The following SRBD1 variants were observed in gnomAD, a reference collection of about 807,000 sequenced individuals.
SRBD1 encodes S1 RNA-binding domain-containing protein 1.
Under a neutral mutation model 115.3 loss-of-function variants are expected in SRBD1, and 88 were observed. The ratio of observed to expected loss-of-function variants is 0.76; its 90% CI spans 0.64 to 0.91. The LOEUF (loss-of-function observed/expected upper bound fraction) is 0.91. SRBD1 is among the 40% of genes least tolerant of loss of function. The pLI is 0.00. For missense variants in SRBD1, 1,385 were observed against 1,177.4 expected (o/e 1.18, Z -2.58); for synonymous variants, 509 against 407.7 (o/e 1.25, Z -2.99).
intron 7 of SRBD1, among the ~76,000 whole-genome samples, chr2:45,579,136 AAACC>A (rs1405497076): frequency 6.6e-6 from 1 of 152,190 alleles, no homozygotes; most frequent in African/African-American, 2.4e-5. Flanking sequence ...TTTTACAATA[AAACC>A]AATGCATCTT....
chr2:45,508,286 C>T (rs1670857397), intron 14 of SRBD1, among the ~76,000 whole-genome samples: 1 of 152,164 alleles, frequency 6.6e-6, no homozygotes, highest in African/African-American at 2.4e-5. Flanking sequence ...GTAAAGAAAA[C>T]TGGCAATATA....
intron 16 of SRBD1, among the ~76,000 whole-genome samples, chr2:45,475,188 T>G (rs1358602416): frequency 6.6e-6 from 1 of 152,184 alleles, no homozygotes; most frequent in Non-Finnish European, 1.5e-5. Context: ...ATCAGAACCC[T>G]TGGAGCAAGT....
chr2:45,499,768 T>C (rs1238566643), intron 14 of SRBD1, among the ~76,000 whole-genome samples: 2 of 152,132 alleles, frequency 1.3e-5, no homozygotes. Flanking sequence ...TTCCCCAGTG[T>C]GTGTTCTTGG....
intron 14 of SRBD1, among the ~76,000 whole-genome samples, chr2:45,492,225 A>G (rs1412507084): frequency 1.3e-5 from 2 of 152,222 alleles, no homozygotes; most frequent in African/African-American, 4.8e-5. Flanking sequence ...TATACGTTTA[A>G]ATAACAGAAT....
Position 45,551,427 on chromosome 2 carries a change from T to A in SRBD1, c.1518-145A>T, listed in dbSNP as rs1395582346. ...TTAAGAGAAAAATATACAAAAATTATATTGAGTCTATTTTCACTAATCACA... is the reference window on the plus strand; with the variant it reads ...TTAAGAGAAAAATATACAAAAATTAAATTGAGTCTATTTTCACTAATCACA... On this transcript the variant is annotated intron_variant, in intron 11 of 20. Coordinates refer to ENST00000263736, the MANE Select transcript of SRBD1 (RefSeq NM_018079.5). The A allele has an allele frequency of 4.8e-6, 4 of 833,766 alleles. No homozygotes were observed. The African/African-American group carries it at 6.9e-5, about 14-fold the overall frequency. The allele number at this position is 833,766 out of a possible 1,614,324, so 51.6% of individuals were successfully genotyped here.
chr2:45,473,972 T>C (rs903817066), intron 16 of SRBD1, among the ~76,000 whole-genome samples: 1 of 152,166 alleles, frequency 6.6e-6, no homozygotes, highest in African/African-American at 2.4e-5. Context: ...GCTTTCCACC[T>C]TTTTCAGTTC....
intron 16 of SRBD1, among the ~76,000 whole-genome samples, chr2:45,475,829 G>C (rs1333905893): frequency 1.3e-5 from 2 of 152,180 alleles, no homozygotes; most frequent in Admixed American, 6.5e-5. Context: ...CTTCCACGTA[G>C]TTGGGACTAC....
intron 6 of SRBD1, among the ~76,000 whole-genome samples, chr2:45,580,406 C>T (rs1246007881): frequency 1.3e-5 from 2 of 151,802 alleles, no homozygotes; most frequent in Non-Finnish European, 2.9e-5. Context: ...AGTGCAGTGG[C>T]GCGATCTCGG....
intron 16 of SRBD1, among the ~76,000 whole-genome samples, chr2:45,431,100 G>A (rs564625492): frequency 1.2e-4 from 18 of 152,258 alleles, no homozygotes; most frequent in South Asian, 4.1e-4. Context: ...ACAATCTCAC[G>A]CTAGTTAGAA....
intron 16 of SRBD1, among the ~76,000 whole-genome samples, chr2:45,464,103 G>T (rs972193143): frequency 6.6e-5 from 10 of 151,958 alleles, no homozygotes; most frequent in South Asian, 4.2e-4. Context: ...ACCGAGAACA[G>T]AATATGCCTT....
chr2:45,399,738 T>A (rs1355107465), intron 19 of SRBD1, among the ~76,000 whole-genome samples: 1 of 152,106 alleles, frequency 6.6e-6, no homozygotes, highest in Admixed American at 6.6e-5. Flanking sequence ...AGGAAAAAGC[T>A]TTGGCTCTTT....
chr2:45,499,876 C>T (rs1348462362), intron 14 of SRBD1, among the ~76,000 whole-genome samples: 1 of 152,136 alleles, frequency 6.6e-6, no homozygotes, highest in African/African-American at 2.4e-5. Context: ...ATGCCAGTAT[C>T]ATGCTGTTTT....
chr2:45,457,444 G>T (rs1218373985), intron 16 of SRBD1, among the ~76,000 whole-genome samples: 3 of 151,856 alleles, frequency 2.0e-5, no homozygotes, highest in Non-Finnish European at 4.4e-5. Flanking sequence ...AAGAATACAT[G>T]CACAGCTGTG....
rs140704147 is a variant in SRBD1, at chr2:45,459,735, T to A, written c.2049+17258A>T. On this transcript the variant is annotated intron_variant, in intron 16 of 20. Coordinates refer to ENST00000263736, the MANE Select transcript of SRBD1 (RefSeq NM_018079.5). ...AGAAAACATATCGGTATCCTTATCT[T>A]ATTTTCCAAGAAGGTAAAATTACTT... Among the ~76,000 whole-genome samples, 8 of 152,292 alleles carry A rather than the reference T, an allele frequency of 5.3e-5. No homozygotes were observed. The East Asian group carries it at 1.5e-3, about 29-fold the overall frequency.
intron 14 of SRBD1, among the ~76,000 whole-genome samples, chr2:45,527,193 G>A (rs2103971714): frequency 6.6e-6 from 1 of 151,836 alleles, no homozygotes; most frequent in South Asian, 2.1e-4. Flanking sequence ...GTGGGGGAGG[G>A]GGGCCAGCAA....
intron 10 of SRBD1, among the ~76,000 whole-genome samples, chr2:45,560,388 C>CTTTA (rs1452246738): frequency 3.3e-5 from 5 of 152,092 alleles, no homozygotes; most frequent in Non-Finnish European, 5.9e-5. Flanking sequence ...CAGAAATTGT[C>CTTTA]TTTGTGATTT....
chr2:45,462,807 C>T (rs1444401642), intron 16 of SRBD1, among the ~76,000 whole-genome samples: 1 of 151,876 alleles, frequency 6.6e-6, no homozygotes, highest in African/African-American at 2.4e-5. Flanking sequence ...GCCTGGGCAA[C>T]AGAGCGAGAC....
chr2:45,585,866 C>A, intron 4 of SRBD1, 92 bp from the exon 5 acceptor site: 5 of 1,056,492 alleles, frequency 4.7e-6, no homozygotes, highest in South Asian at 1.9e-5. Context: ...ATAATGTTCT[C>A]CAGTGACTTA....
At chr2:45,494,976 C>T (rs1670412220) in intron 14 of SRBD1, among the ~76,000 whole-genome samples, 1 of 152,072 alleles carries the variant, frequency 6.6e-6, no homozygotes, top group Admixed American at 6.5e-5. Flanking sequence ...TCATTTTCCA[C>T]AGAGAACAAC....
Sources: gnomAD v4.1 joint callset for allele counts (sites outside exome capture counted in the v4.1 genomes callset) on GRCh38, gnomAD v4.1.1 for gene constraint, MANE v1.5 for transcripts, NCBI Gene and HGNC (gene_info 2026-07-23, HGNC 2026-07-21) for gene names.